Variants in CABLES1 observed in about 807,000 individuals in gnomAD.
CABLES1 encodes the protein Cdk5 and Abl enzyme substrate 1, also known as CDK5 and ABL1 enzyme substrate 1.
A neutral mutation model predicts 57.8 loss-of-function variants in CABLES1; 36 were observed. The observed-to-expected ratio is 0.62, with a 90% confidence interval of 0.48 to 0.82. CABLES1 has a LOEUF of 0.82. CABLES1 is among the 40% of genes least tolerant of loss of function. The pLI is 0.00. For missense variants in CABLES1, 767 were observed against 836.6 expected (o/e 0.92, Z 1.03); for synonymous variants, 374 against 363.0 (o/e 1.03, Z -0.35).
At chr18:23,256,913 C>A (rs749998450) in intron 9 of CABLES1, among the ~76,000 whole-genome samples, 1 of 152,248 alleles carries the variant, frequency 6.6e-6, no homozygotes, top group Non-Finnish European at 1.5e-5. Flanking sequence ...TCTCTGACTT[C>A]TTGGAGCCCG....
intron 3 of CABLES1, among the ~76,000 whole-genome samples, chr18:23,198,872 T>G (rs1228539507): frequency 1.3e-5 from 2 of 152,242 alleles, no homozygotes; most frequent in Non-Finnish European, 2.9e-5. Flanking sequence ...GATAATACAT[T>G]TGTGTTGTTT....
Position 23,159,056 on chromosome 18 carries a change from C to A in CABLES1, c.845+22449C>A, listed in dbSNP as rs1198989960. On this transcript the variant is annotated intron_variant, in intron 1 of 9. Transcript: ENST00000256925. ...TCTCGGCTCACTGTAACCGCCACCT[C>A]TTGAGTTCAAGCGATTCTCCTGCCT... Among the ~76,000 whole-genome samples the A allele has an allele frequency of 2.0e-5, 3 of 152,204 alleles. No homozygotes were observed. In the East Asian group the frequency reaches 5.8e-4, roughly 29 times the overall value.
intron 1 of CABLES1, among the ~76,000 whole-genome samples, chr18:23,185,578 C>G (rs928045026): frequency 6.6e-6 from 1 of 152,058 alleles, no homozygotes; most frequent in Non-Finnish European, 1.5e-5. Context: ...CTGTGCTGCC[C>G]GAAGAGCCCA....
At chr18:23,150,704 G>A (rs1432969247) in intron 1 of CABLES1, among the ~76,000 whole-genome samples, 1 of 152,096 alleles carries the variant, frequency 6.6e-6, no homozygotes, top group Non-Finnish European at 1.5e-5. Context: ...TGGAGGGTTC[G>A]GTGAAGGGTC....
chr18:23,179,287 A>G (rs2047147114), intron 1 of CABLES1, among the ~76,000 whole-genome samples: 1 of 152,204 alleles, frequency 6.6e-6, no homozygotes, highest in African/African-American at 2.4e-5. Flanking sequence ...GTCTAAAAAA[A>G]TAAAGAAAAA....
intron 4 of CABLES1, among the ~76,000 whole-genome samples, chr18:23,229,914 ACGAC>A (rs1237340319): frequency 6.6e-6 from 1 of 152,244 alleles, no homozygotes; most frequent in East Asian, 1.9e-4. Flanking sequence ...GGGGTCAAGT[ACGAC>A]CAAAGAACAG....
At chr18:23,163,564 T>TG (rs1355879531) in intron 1 of CABLES1, among the ~76,000 whole-genome samples, 3 of 151,542 alleles carry the variant, frequency 2.0e-5, no homozygotes, top group Non-Finnish European at 1.5e-5. Context: ...AGAGAAAGGA[T>TG]GGAAGAGGGG....
chr18:23,244,396 G>A (rs960758616), intron 7 of CABLES1, among the ~76,000 whole-genome samples: 1 of 152,224 alleles, frequency 6.6e-6, no homozygotes, highest in Non-Finnish European at 1.5e-5. Context: ...TCCAGGATTC[G>A]GTATTTTGAA....
rs544598118 is a variant in CABLES1, at chr18:23,172,754, T to C, written c.846-16084T>C. On this transcript the variant is annotated intron_variant, in intron 1 of 9. Coordinates refer to ENST00000256925, the MANE Select transcript of CABLES1 (RefSeq NM_001100619.3). ...CAGCTCTCATGCTGCAAATTCACTT[T>C]GGAAAGCCTTCCTGAACAGCCTGGT... Among the ~76,000 whole-genome samples, 6 of 152,338 alleles carry C rather than the reference T, an allele frequency of 3.9e-5. No homozygotes were observed. In the South Asian group the frequency reaches 1.2e-3, roughly 32 times the overall value.
At chr18:23,200,550 CCG>C (rs2047318157) in intron 3 of CABLES1, among the ~76,000 whole-genome samples, 1 of 152,048 alleles carries the variant, frequency 6.6e-6, no homozygotes, top group Admixed American at 6.5e-5. Context: ...GCGTGAGCCA[CCG>C]TGCCCGGTCA....
chr18:23,236,001 G>A lies in CABLES1; in HGVS notation c.1292G>A (p.Arg431His), dbSNP rs768273037. The change falls in exon 6 of 10, where the codon CGC (arginine) becomes CAC (histidine). Residue 431 changes from arginine (R) to histidine (H), a missense_variant. By Grantham distance (29) the Arg-to-His change is conservative. This residue lies in a region of CABLES1 where 529 missense variants were observed against 622.8 expected (regional missense o/e 0.85). Transcript: ENST00000256925. ...TCCCAGTTCCGTAACCTGAGCCACC[G>A]CAGCCTCTCCATAGGCCGGGCAAGC... is the stretch of plus-strand genomic sequence containing the variant. ...SFSQFRNLSHRSLSIGRASGT... is the reference protein window; with the variant it reads ...SFSQFRNLSHHSLSIGRASGT... 34 of 1,613,974 alleles carry A rather than the reference G, an allele frequency of 2.1e-5. No homozygotes were observed. The highest frequency in any genetic ancestry group is 1.6e-4 in the East Asian group (7 of 44,894).
intron 1 of CABLES1, among the ~76,000 whole-genome samples, chr18:23,179,052 G>A (rs1159138371): frequency 4.6e-5 from 7 of 152,170 alleles, no homozygotes; most frequent in Non-Finnish European, 7.3e-5. Context: ...TTGGGAGGCC[G>A]AGGCGGGCCA....
In CABLES1 at chr18:23,253,798, C is replaced by G. The variant is rs1425827991; in HGVS notation, c.1623C>G (p.Ala541=). 1 of 1,614,242 alleles carries G rather than the reference C, an allele frequency of 6.2e-7. No homozygotes were observed. Among genetic ancestry groups the G allele is most frequent in the South Asian group, 1.1e-5 (1 of 91,084 alleles). ...CGLEEPTVAM[A]FVYFEKLALK... ...TTGAGGAGCCCACGGTGGCCATGGCCTTCGTCTACTTTGAAAAGCTCGCCC... is the reference window on the plus strand; with the variant it reads ...TTGAGGAGCCCACGGTGGCCATGGCGTTCGTCTACTTTGAAAAGCTCGCCC... The change falls in exon 9 of 10, where the codon GCC becomes GCG. Residue 541 remains alanine (A), a synonymous_variant. Transcript: ENST00000256925.
chr18:23,237,301 GT>G, intron 7 of CABLES1, 56 bp downstream of exon 7: 1 of 1,212,650 alleles, frequency 8.2e-7, no homozygotes, highest in South Asian at 1.2e-5. Context: ...CCCCACCTGG[GT>G]TGGTGGCCGG....
At chr18:23,181,072 G>C (rs1437159570) in intron 1 of CABLES1, among the ~76,000 whole-genome samples, 1 of 152,022 alleles carries the variant, frequency 6.6e-6, no homozygotes, top group African/African-American at 2.4e-5. Flanking sequence ...TAAGGTTGAA[G>C]TGGGACTTCT....
chr18:23,165,116 C>CA lies in CABLES1; in HGVS notation c.846-23721dup, dbSNP rs2043987096. Reference sequence around the variant, plus strand: ...ATTTTTTTCTCTTCTTTTTTAGAGACAGGGTCTTACTGTGCCTCCTGGGCT... The same window carrying CA: ...ATTTTTTTCTCTTCTTTTTTAGAGACAAGGGTCTTACTGTGCCTCCTGGGCT... On this transcript the variant is annotated intron_variant, in intron 1 of 9. Transcript: ENST00000256925. Among the ~76,000 whole-genome samples, 3 of 151,950 alleles carry CA rather than the reference C, an allele frequency of 2.0e-5. No individual in the cohort carries two copies. The South Asian group carries it at 6.2e-4, about 32-fold the overall frequency.
chr18:23,195,319 T>C (rs142024661), intron 3 of CABLES1, among the ~76,000 whole-genome samples: 1 of 152,202 alleles, frequency 6.6e-6, no homozygotes, highest in Non-Finnish European at 1.5e-5. Context: ...CTTGAATGGG[T>C]GAGTTAGAGA....
At chr18:23,139,759 A>G (rs2046845955) in intron 1 of CABLES1, among the ~76,000 whole-genome samples, 2 of 152,188 alleles carry the variant, frequency 1.3e-5, no homozygotes. Flanking sequence ...ACATATGATA[A>G]TCTAACTTAG....
intron 6 of CABLES1, 24 bp downstream of exon 6, chr18:23,236,075 G>A (rs1175771366): frequency 6.2e-7 from 1 of 1,610,974 alleles, no homozygotes; most frequent in African/African-American, 1.3e-5. Flanking sequence ...GGCTGGGTCT[G>A]GTAGCTCGTG....
Sources: allele counts gnomAD v4.1 joint callset (sites outside exome capture counted in the v4.1 genomes callset), GRCh38; gene constraint gnomAD v4.1.1; regional missense constraint gnomAD v4.1.1; transcripts MANE v1.5; gene names NCBI Gene and HGNC (gene_info 2026-07-23, HGNC 2026-07-21).